Variants in NDUFA8 observed in about 807,000 individuals in gnomAD.
The protein encoded by NDUFA8 is NADH dehydrogenase [ubiquinone] 1 alpha subcomplex subunit 8.
In NDUFA8, 16 loss-of-function variants were observed where a neutral mutation model predicts 20.9. That is an observed-to-expected ratio of 0.77 (90% CI 0.52 to 1.16). The LOEUF is 1.16. Ranked by LOEUF, NDUFA8 falls within the 50% of genes most tolerant of loss-of-function variation. The pLI is 0.00. For synonymous variants in NDUFA8, 70 were observed against 76.1 expected (o/e 0.92, Z 0.41); for missense variants, 202 against 216.4 (o/e 0.93, Z 0.42).
chr9:122,144,147 G>A lies in NDUFA8; in HGVS notation c.*94C>T, dbSNP rs774074069. 29 of 1,602,784 alleles carry A rather than the reference G, an allele frequency of 1.8e-5. No individual in the cohort carries two copies. The highest frequency in any genetic ancestry group is 8.5e-5 in the Admixed American group (5 of 58,896). The stretch of plus-strand genomic sequence containing the variant: ...CTTTTTTGTTAATGTTTGTGATCCC[G>A]GAAAGAACACACTATCAGTCGATGC... On this transcript the variant is annotated 3_prime_UTR_variant, in exon 4 of 4. Transcript: ENST00000373768.
chr9:122,146,819 C>T (rs1453692669), intron 3 of NDUFA8, among the ~76,000 whole-genome samples: 1 of 152,178 alleles, frequency 6.6e-6, no homozygotes, highest in Non-Finnish European at 1.5e-5. Context: ...TCACCTGTGC[C>T]CAGGAAGTCA....
Position 122,144,062 on chromosome 9 carries a change from C to CT in NDUFA8, c.*178dup. On this transcript the variant is annotated 3_prime_UTR_variant, in exon 4 of 4. Coordinates refer to ENST00000373768, the MANE Select transcript of NDUFA8 (RefSeq NM_014222.3). ...AAACATAATAAAATACAACCGTTTC[C>CT]TTTAAAAATTTTAATGGACAGGAAA... 2 of 1,460,310 alleles carry CT rather than the reference C, an allele frequency of 1.4e-6. No individual in the cohort carries two copies. The highest frequency in any genetic ancestry group is 1.8e-6 in the Non-Finnish European group (2 of 1,111,704). The allele number at this position is 1,460,310 out of a possible 1,614,324, so 90.5% of individuals were successfully genotyped here.
chr9:122,157,391 C>T (rs1470763163), intron 1 of NDUFA8, among the ~76,000 whole-genome samples: 1 of 152,242 alleles, frequency 6.6e-6, no homozygotes, highest in Non-Finnish European at 1.5e-5. Flanking sequence ...ATCAAGTAAT[C>T]AAGGTGACCG....
At chr9:122,139,353 C>A (rs1244942480), downstream of NDUFA8, among the ~76,000 whole-genome samples, 1 of 43,438 alleles carries the variant, frequency 2.3e-5, no homozygotes, top group Non-Finnish European at 9.2e-5. Flanking sequence ...GTTCCCTCAC[C>A]CCCTAGCTAG....
chr9:122,143,836 T>C (rs1828858228), downstream of NDUFA8, among the ~76,000 whole-genome samples: 1 of 152,126 alleles, frequency 6.6e-6, no homozygotes, highest in Admixed American at 6.5e-5. Flanking sequence ...GAGCTGAGAC[T>C]TCAAAATGTG....
intron 3 of NDUFA8, among the ~76,000 whole-genome samples, chr9:122,145,478 T>C (rs984418931): frequency 1.3e-5 from 2 of 151,774 alleles, no homozygotes; most frequent in African/African-American, 4.9e-5. Context: ...TCAGCAGTCT[T>C]CTGATTATTC....
chr9:122,140,282 TAATC>T (rs1828800436), downstream of NDUFA8, among the ~76,000 whole-genome samples: 1 of 152,204 alleles, frequency 6.6e-6, no homozygotes, highest in Non-Finnish European at 1.5e-5. Flanking sequence ...ACATCACAAA[TAATC>T]AAGACACATA....
At chr9:122,137,898 CAGCAT>C in the NDUFA8 span, among the ~76,000 whole-genome samples, 1 of 152,290 alleles carries the variant, frequency 6.6e-6, no homozygotes, top group African/African-American at 2.4e-5. Context: ...AGACGGAGCC[CAGCAT>C]AGCAGCCCAG....
chr9:122,155,574 TTA>T (rs1829066043), intron 1 of NDUFA8, among the ~76,000 whole-genome samples: 1 of 152,178 alleles, frequency 6.6e-6, no homozygotes, highest in Non-Finnish European at 1.5e-5. Flanking sequence ...TCTAATAAAT[TTA>T]TGTTTAAAAT....
chr9:122,138,708 C>T, the NDUFA8 span, among the ~76,000 whole-genome samples: 3 of 152,228 alleles, frequency 2.0e-5, no homozygotes, highest in East Asian at 5.8e-4. Flanking sequence ...GCAGTTCTTG[C>T]TCTCAAGGAG....
downstream of NDUFA8, among the ~76,000 whole-genome samples, chr9:122,140,442 T>C (rs906015195): frequency 3.3e-5 from 5 of 152,240 alleles, no homozygotes; most frequent in Admixed American, 6.5e-5. Context: ...TCTACAAAGA[T>C]GGCAATGTAA....
the NDUFA8 span, among the ~76,000 whole-genome samples, chr9:122,134,477 A>C: frequency 0.68 from 103,236 of 151,554 alleles, 35,695 homozygotes; most frequent in African/African-American, 0.77. Flanking sequence ...AATGTAGAAA[A>C]CTTGGTGCAG....
the NDUFA8 span, among the ~76,000 whole-genome samples, chr9:122,133,753 C>T: frequency 2.6e-5 from 4 of 152,208 alleles, no homozygotes; most frequent in South Asian, 6.2e-4. Context: ...AGCCCCAGGG[C>T]GAGCGCGTGA....
At chr9:122,148,412 A>T (rs780850775) in intron 2 of NDUFA8, 135 bp from the exon 3 acceptor site, 18 of 979,098 alleles carry the variant, frequency 1.8e-5, no homozygotes, top group Non-Finnish European at 2.7e-5. Context: ...TTCTTATCTC[A>T]CTTACAAGAC....
rs1180955313 is a variant in NDUFA8, at chr9:122,159,701, C to T, written c.-24G>A. The stretch of plus-strand genomic sequence containing the variant: ...ATGACGGCTGCAGCCCCGACCCCGA[C>T]GAGAAGCCCTCAGCCGCGTCGCCCC... On this transcript the variant is annotated 5_prime_UTR_variant, in exon 1 of 4. Transcript: ENST00000373768. The T allele has an allele frequency of 1.2e-6, 2 of 1,614,096 alleles. No homozygotes were observed. The highest frequency in any genetic ancestry group is 2.2e-5 in the South Asian group (2 of 91,082).
At chr9:122,149,503 C>A (rs1047079018) in intron 2 of NDUFA8, among the ~76,000 whole-genome samples, 7 of 152,210 alleles carry the variant, frequency 4.6e-5, no homozygotes, top group African/African-American at 1.7e-4. Flanking sequence ...GTTACCCATA[C>A]CTAACAATTA....
rs1164115458 is a variant in NDUFA8, at chr9:122,144,180, A to G, written c.*61T>C. ...CACACTATCAGTCGATGCAAACCGC[A>G]TGGGCGTTTTCATCAGTCGTTGTCT... On this transcript the variant is annotated 3_prime_UTR_variant, in exon 4 of 4. Transcript: ENST00000373768. 2 of 1,611,874 alleles carry G rather than the reference A, an allele frequency of 1.2e-6. No individual in the cohort carries two copies. Among genetic ancestry groups the G allele is most frequent in the Non-Finnish European group, 8.5e-7 (1 of 1,179,820 alleles).
At chr9:122,148,498 T>A (rs1208264400) in intron 2 of NDUFA8, among the ~76,000 whole-genome samples, 1 of 152,194 alleles carries the variant, frequency 6.6e-6, no homozygotes, top group African/African-American at 2.4e-5. Context: ...AATTTCTTTA[T>A]ATAGTAAGAA....
intron 1 of NDUFA8, 63 bp downstream of exon 1, chr9:122,159,564 T>A (rs1470036452): frequency 6.2e-7 from 1 of 1,602,382 alleles, no homozygotes; most frequent in African/African-American, 1.3e-5. Context: ...CAAGGGGGGC[T>A]AGGCCCAGGC....
Sources: allele counts gnomAD v4.1 joint callset (sites outside exome capture counted in the v4.1 genomes callset), GRCh38; gene constraint gnomAD v4.1.1; transcripts MANE v1.5; gene names NCBI Gene and HGNC (gene_info 2026-07-23, HGNC 2026-07-21).